The following ARID2 variants were observed in gnomAD, a reference collection of about 807,000 sequenced individuals.
ARID2 encodes AT-rich interactive domain-containing protein 2.
A neutral mutation model predicts 184.6 loss-of-function variants in ARID2; 32 were observed. The ratio of observed to expected loss-of-function variants is 0.17; its 90% CI spans 0.13 to 0.23. The LOEUF (loss-of-function observed/expected upper bound fraction) is 0.23. Among genes scored for constraint, ARID2 ranks in the 10% least tolerant of loss-of-function variants. The pLI, the probability that ARID2 is intolerant of heterozygous loss-of-function variation, is 1.00. For synonymous variants in ARID2, 836 were observed against 772.6 expected, an observed-to-expected ratio of 1.08 and a Z score of -1.36; for missense variants, 1,696 against 2,197.6, an observed-to-expected ratio of 0.77 and a Z score of 4.56.
At chr12:45,812,919 A>G (rs186960053) in intron 4 of ARID2, among the ~76,000 whole-genome samples, 25 of 152,200 alleles carry the variant, frequency 1.6e-4, no homozygotes, top group African/African-American at 5.1e-4. Flanking sequence ...ACACTTTTCT[A>G]TGTTTGGTCT....
rs1942709133 is a variant in ARID2, at chr12:45,811,556, A to G, written c.418+5A>G. On this transcript the variant is annotated splice_donor_5th_base_variant and intron_variant, in intron 4 of 20. Coordinates refer to ENST00000334344, the MANE Select transcript of ARID2 (RefSeq NM_152641.4). ...ACCAGCAACACAGTGTGTCGGGTAAATATCACTGCAAATTAACAGGATATA... is the reference window on the plus strand; with the variant it reads ...ACCAGCAACACAGTGTGTCGGGTAAGTATCACTGCAAATTAACAGGATATA... 1.9e-6 allele frequency: 3 copies of G among 1,611,806 alleles called. No individual in the cohort carries two copies. The highest frequency in any genetic ancestry group is 1.7e-6 in the Non-Finnish European group (2 of 1,179,060).
At chr12:45,896,872 A>G (rs1944375254) in intron 20 of ARID2, among the ~76,000 whole-genome samples, 1 of 152,236 alleles carries the variant, frequency 6.6e-6, no homozygotes, top group Non-Finnish European at 1.5e-5. Flanking sequence ...AAGATAAAAC[A>G]TTGAAGCTAT....
chr12:45,870,152 A>AC lies in ARID2; in HGVS notation c.4922+9204dup, dbSNP rs1398695558. ...AGGCGCCCGCCACCATGCCCTGCTA[A>AC]CTTTTTTTGTATTTTTAGTAGAGAA... On this transcript the variant is annotated intron_variant, in intron 16 of 20. Coordinates refer to ENST00000334344, the MANE Select transcript of ARID2 (RefSeq NM_152641.4). Among the ~76,000 whole-genome samples, 34 of 151,808 alleles carry AC rather than the reference A, an allele frequency of 2.2e-4. 1 individual carries two copies. In the East Asian group the frequency reaches 6.1e-3, roughly 27 times the overall value.
At chr12:45,782,833 G>A (rs1443426439) in intron 3 of ARID2, among the ~76,000 whole-genome samples, 1 of 151,890 alleles carries the variant, frequency 6.6e-6, no homozygotes, top group Non-Finnish European at 1.5e-5. Context: ...AATGGGCCGG[G>A]TGCGGTGGTT....
At chr12:45,853,947 C>T (rs1416301136) in intron 15 of ARID2, among the ~76,000 whole-genome samples, 5 of 152,194 alleles carry the variant, frequency 3.3e-5, no homozygotes, top group Non-Finnish European at 7.3e-5. Context: ...CTGGGCCACA[C>T]AGCCGGAGGT....
intron 16 of ARID2, among the ~76,000 whole-genome samples, chr12:45,887,381 AAGT>A (rs1352911420): frequency 2.0e-5 from 3 of 152,194 alleles, no homozygotes; most frequent in African/African-American, 7.2e-5. Context: ...TCTTTTGAAA[AAGT>A]AGCAGGATCA....
chr12:45,831,059 G>A (rs1316268766), intron 6 of ARID2, among the ~76,000 whole-genome samples: 1 of 150,632 alleles, frequency 6.6e-6, no homozygotes, highest in South Asian at 2.1e-4. Flanking sequence ...AAAAAAAAAG[G>A]CATTAGAAGA....
intron 3 of ARID2, among the ~76,000 whole-genome samples, chr12:45,791,686 C>T (rs1397386477): frequency 6.6e-6 from 1 of 152,188 alleles, no homozygotes; most frequent in Non-Finnish European, 1.5e-5. Flanking sequence ...CTGGACCTCC[C>T]TGGGCTCAGG....
intron 11 of ARID2, chr12:45,841,006 G>GTC (rs2138140621): frequency 1.3e-5 from 2 of 152,260 alleles, no homozygotes; most frequent in South Asian, 4.1e-4. Context: ...ATTTATATTG[G>GTC]GGAATCTTTG....
At chr12:45,879,878 A>G (rs1432311707) in intron 16 of ARID2, among the ~76,000 whole-genome samples, 1 of 152,228 alleles carries the variant, frequency 6.6e-6, no homozygotes, top group East Asian at 1.9e-4. Flanking sequence ...ATTTAAAAAT[A>G]TCTATGAATT....
intron 3 of ARID2, among the ~76,000 whole-genome samples, chr12:45,780,074 A>G (rs1406872427): frequency 6.6e-6 from 1 of 152,220 alleles, no homozygotes; most frequent in Non-Finnish European, 1.5e-5. Flanking sequence ...CAGATTGCCT[A>G]GTAGTTGGTA....
At chr12:45,799,918 T>C (rs1942463580) in intron 3 of ARID2, among the ~76,000 whole-genome samples, 1 of 152,196 alleles carries the variant, frequency 6.6e-6, no homozygotes, top group Admixed American at 6.6e-5. Context: ...AGCGCAATGA[T>C]GGATCACTGC....
At chr12:45,810,248 C>G (rs1404703634) in intron 3 of ARID2, among the ~76,000 whole-genome samples, 1 of 152,168 alleles carries the variant, frequency 6.6e-6, no homozygotes, top group Non-Finnish European at 1.5e-5. Flanking sequence ...TCACATCTTA[C>G]TTGGAAATCT....
Position 45,852,769 on chromosome 12 carries a change from G to A in ARID2, c.4646G>A (p.Cys1549Tyr), listed in dbSNP as rs2138181273. 6.2e-7 allele frequency: 1 copy of A among 1,614,180 alleles called. No individual in the cohort carries two copies. Among genetic ancestry groups the A allele is most frequent in the South Asian group, 1.1e-5 (1 of 91,080 alleles). Reference sequence around the variant, plus strand: ...ATCAGTGACCCCAACAATGCTGGCTGCAGCGCAACAATGGTTGCTGTGCCA... The same window carrying A: ...ATCAGTGACCCCAACAATGCTGGCTACAGCGCAACAATGGTTGCTGTGCCA... ...VTISDPNNAG[C>Y]SATMVAVPAG... The change falls in exon 15 of 21, where the codon TGC (cysteine) becomes TAC (tyrosine). Residue 1549 changes from cysteine to tyrosine, a missense_variant. Physicochemically the swap from Cys to Tyr is radical, Grantham distance 194 (BLOSUM62 -2). This residue lies in a region of ARID2 where 111 missense variants were observed against 154.0 expected (regional missense o/e 0.72). Transcript: ENST00000334344.
chr12:45,731,104 C>T (rs900672307), intron 2 of ARID2, 113 bp from the exon 3 acceptor site: 4 of 751,648 alleles, frequency 5.3e-6, no homozygotes, highest in Admixed American at 4.2e-5. Context: ...CCGAAACACC[C>T]ACTGATGCCT....
At chr12:45,755,748 A>G (rs1941556677) in intron 3 of ARID2, among the ~76,000 whole-genome samples, 1 of 152,118 alleles carries the variant, frequency 6.6e-6, no homozygotes, top group Admixed American at 6.5e-5. Flanking sequence ...CAAGCTCTGG[A>G]ACTCAGCACT....
chr12:45,839,428 T>G lies in ARID2; in HGVS notation c.1430T>G (p.Met477Arg), dbSNP rs369291359. 2 of 1,614,144 alleles carry G rather than the reference T, an allele frequency of 1.2e-6. No homozygotes were observed. The highest frequency in any genetic ancestry group is 1.7e-6 in the Non-Finnish European group (2 of 1,180,002). ...GAACACCCAAGTTCCAGTCATCAAA[T>G]GTTATCTGAAATTAGGCCACAAGCT... ...LIEHPSSSHQMLSEIRPQAIE... is the reference protein window; with the variant it reads ...LIEHPSSSHQRLSEIRPQAIE... Residue 477 changes from methionine to arginine, a missense_variant, in exon 11 of 21, where the codon ATG (methionine) becomes AGG (arginine). Physicochemically the swap from Met to Arg is moderately conservative, Grantham distance 91. Coordinates refer to ENST00000334344, the MANE Select transcript of ARID2 (RefSeq NM_152641.4).
At chr12:45,791,980 C>G (rs1942301063) in intron 3 of ARID2, among the ~76,000 whole-genome samples, 1 of 152,166 alleles carries the variant, frequency 6.6e-6, no homozygotes, top group Non-Finnish European at 1.5e-5. Flanking sequence ...CCACCCCCAT[C>G]AGTCTCACCA....
At chr12:45,739,680 C>T (rs969732626) in intron 3 of ARID2, among the ~76,000 whole-genome samples, 1 of 151,700 alleles carries the variant, frequency 6.6e-6, no homozygotes, top group African/African-American at 2.4e-5. Flanking sequence ...CAAAGATGAT[C>T]TTTATTAAAT....
Sources: allele counts gnomAD v4.1 joint callset (sites outside exome capture counted in the v4.1 genomes callset), GRCh38; gene constraint gnomAD v4.1.1; regional missense constraint gnomAD v4.1.1; transcripts MANE v1.5; gene names NCBI Gene and HGNC (gene_info 2026-07-23, HGNC 2026-07-21).